Variants in SULT1A2 observed in about 807,000 individuals in gnomAD.
SULT1A2 encodes the protein sulfotransferase 1A2.
A neutral mutation model predicts 36.0 loss-of-function variants in SULT1A2; 33 were observed. That is an observed-to-expected ratio of 0.92 (90% CI 0.69 to 1.22). SULT1A2 has a LOEUF of 1.22. Among genes scored for constraint, SULT1A2 ranks in the 50% most tolerant of loss-of-function variants. The pLI, the probability that SULT1A2 is intolerant of heterozygous loss-of-function variation, is 0.00. For synonymous variants in SULT1A2, 138 were observed against 144.5 expected (o/e 0.96, Z 0.32); for missense variants, 367 against 383.2 (o/e 0.96, Z 0.35).
At chr16:28,593,761 A>G (rs552230213) in intron 4 of SULT1A2, among the ~76,000 whole-genome samples, 193 bp from the exon 5 acceptor site, 1 of 152,304 alleles carries the variant, frequency 6.6e-6, no homozygotes, top group African/African-American at 2.4e-5. Flanking sequence ...CCCTGAGACC[A>G]TCATATTCTA....
intron 4 of SULT1A2, among the ~76,000 whole-genome samples, chr16:28,594,209 T>C (rs1156289285): frequency 6.7e-6 from 1 of 150,234 alleles, no homozygotes; most frequent in Non-Finnish European, 1.5e-5. Context: ...GGAGTGAGAA[T>C]AGCTCACTGC....
chr16:28,596,695 A>AT (rs2047062824), intron 1 of SULT1A2: 1 of 218,868 alleles, frequency 4.6e-6, no homozygotes. Flanking sequence ...TTTTAAAACT[A>AT]TCCAGGCAGG....
In SULT1A2 at chr16:28,595,668, G is replaced by C. The variant is rs759960038; in HGVS notation, c.156C>G (p.Thr52=). The C allele has an allele frequency of 1.9e-6, 3 of 1,614,156 alleles. No homozygotes were observed. Among genetic ancestry groups the C allele is most frequent in the South Asian group, 2.2e-5 (2 of 91,084 alleles). ...LISTYPKSGT[T]WVSQILDMIY... The stretch of plus-strand genomic sequence containing the variant: ...TCATGTCCAGAATCTGGCTCACCCA[G>C]GTGGTGCCTGGAGAGGGAGGGAGAT... Residue 52 remains threonine, a synonymous_variant, in exon 3 of 8, where the codon ACC becomes ACG. Transcript: ENST00000335715.
At chr16:28,594,520 T>G (rs1029783812) in intron 4 of SULT1A2, among the ~76,000 whole-genome samples, 10 of 152,250 alleles carry the variant, frequency 6.6e-5, no homozygotes, top group African/African-American at 2.4e-4. Flanking sequence ...TGGCACAATC[T>G]CGGCTCACTG....
At position 28,592,152 on chromosome 16, in the gene SULT1A2, A is replaced by G; in HGVS notation, c.776-12T>C. On this transcript the variant is annotated splice_polypyrimidine_tract_variant and intron_variant, in intron 7 of 7. Transcript: ENST00000335715. The stretch of plus-strand genomic sequence containing the variant: ...GTCCCCAGCCATGCCTGGGGGAGGA[A>G]GGCAGGGAGCAAAGCTGGAGTCTCA... 3 of 1,612,392 alleles carry G rather than the reference A, an allele frequency of 1.9e-6. No homozygotes were observed. The highest frequency in any genetic ancestry group is 2.2e-5 in the East Asian group (1 of 44,874).
At chr16:28,592,757 C>G (rs755521352) in intron 6 of SULT1A2, among the ~76,000 whole-genome samples, 6 of 152,150 alleles carry the variant, frequency 3.9e-5, no homozygotes, top group Non-Finnish European at 7.4e-5. Flanking sequence ...GGCAAGGGGC[C>G]GTGGTTCAGG....
At chr16:28,596,422 G>T in intron 1 of SULT1A2, 1 of 948,298 alleles carries the variant, frequency 1.1e-6, no homozygotes. Context: ...CAACTCCTAG[G>T]CTGGCCAGGC....
At chr16:28,596,976 C>T (rs1257217779) in intron 1 of SULT1A2, 21 bp downstream of exon 1, 4 of 1,255,162 alleles carry the variant, frequency 3.2e-6, no homozygotes, top group Non-Finnish European at 4.1e-6. Context: ...GCGTCCTGGG[C>T]CATTCCGGTG....
Position 28,595,820 on chromosome 16 carries a change from C to T in SULT1A2, c.111G>A (p.Arg37=), listed in dbSNP as rs138786298. The T allele has an allele frequency of 9.2e-5, 148 of 1,612,076 alleles. No homozygotes were observed. Among genetic ancestry groups the T allele is most frequent in the Non-Finnish European group, 1.2e-4 (144 of 1,179,436 alleles). Residue 37 remains arginine (R), a synonymous_variant, in exon 2 of 8, where the codon CGG becomes CGA. Transcript: ENST00000335715. ...ALGPLQSFQA[R]PDDLLISTYP... The stretch of plus-strand genomic sequence containing the variant: ...AGGTGCTGATGAGCAGGTCATCAGG[C>T]CGGGCCTGGAAGCTCTGCAGGGGCC...
chr16:28,592,213 C>T (rs535816934), intron 7 of SULT1A2, 50 bp downstream of exon 7: 2 of 1,613,532 alleles, frequency 1.2e-6, no homozygotes, highest in Admixed American at 3.3e-5. Context: ...TGGGGAGGCT[C>T]CAGCTGCTGC....
In SULT1A2 at chr16:28,593,269, A is replaced by G. The variant is rs1488501503; in HGVS notation, c.577T>C (p.Tyr193His). Reference sequence around the variant, plus strand: ...GGTCTCACCTCCTTCATGTCTTCATAGAAGAGGTAGAGAACAGGGTGGGTG... The same window carrying G: ...GGTCTCACCTCCTTCATGTCTTCATGGAAGAGGTAGAGAACAGGGTGGGTG... ...SRTHPVLYLF[Y>H]EDMKENPKRE... The change falls in exon 6 of 8, where the codon TAT becomes CAT. Residue 193 changes from tyrosine to histidine, a missense_variant. By Grantham distance (83) the Tyr-to-His change is moderately conservative (BLOSUM62 2). Coordinates refer to ENST00000335715, the MANE Select transcript of SULT1A2 (RefSeq NM_001054.4). 6.2e-6 allele frequency: 10 copies of G among 1,613,822 alleles called. 1 individual carries two copies. Among genetic ancestry groups the G allele is most frequent in the Admixed American group, 3.3e-5 (2 of 60,002 alleles).
intron 6 of SULT1A2, 95 bp from the exon 7 acceptor site, chr16:28,592,538 C>T (rs1275206007): frequency 1.3e-6 from 2 of 1,588,606 alleles, no homozygotes; most frequent in East Asian, 4.5e-5. Flanking sequence ...GAACTGGCCA[C>T]TTCCACTTCA....
Position 28,592,364 on chromosome 16 carries a change from T to G in SULT1A2, c.674A>C (p.Glu225Ala), listed in dbSNP as rs533539289. 4 of 1,614,016 alleles carry G rather than the reference T, an allele frequency of 2.5e-6. No individual in the cohort carries two copies. In the African/African-American group the frequency reaches 4.0e-5, roughly 16 times the overall value. Reference sequence around the variant, plus strand: ...CTTCATCTCCTTGAACGACGTGTGCTCAACCATGAGGTCCACAGTCTCCTC... The same window carrying G: ...CTTCATCTCCTTGAACGACGTGTGCGCAACCATGAGGTCCACAGTCTCCTC... ...LPEETVDLMV[E>A]HTSFKEMKKN... Residue 225 changes from glutamate (E) to alanine (A), a missense_variant, in exon 7 of 8, where the codon GAG (glutamate) becomes GCG (alanine). By Grantham distance (107) the Glu-to-Ala change is moderately radical (BLOSUM62 -1). Transcript: ENST00000335715.
intron 1 of SULT1A2, 131 bp downstream of exon 1, chr16:28,596,866 G>C (rs547139651): frequency 2.4e-5 from 14 of 576,922 alleles, no homozygotes. Flanking sequence ...GATTCAGGCC[G>C]GCCGGGGTTG....
chr16:28,593,482 C>G lies in SULT1A2; in HGVS notation c.459G>C (p.Gly153=). The change falls in exon 5 of 8, where the codon GGG becomes GGC. Residue 153 remains glycine, a synonymous_variant. Transcript: ENST00000335715. ...ACTTCTCCAGGAAGCTTTCCCAGGT[C>G]CCAGGGTGAGGGTACACTTTGGCCA... ...YHMAKVYPHP[G]TWESFLEKFM... is the part of the protein sequence containing the mutation. The G allele has an allele frequency of 5.0e-6, 8 of 1,614,098 alleles. No homozygotes were observed. The highest frequency in any genetic ancestry group is 6.8e-6 in the Non-Finnish European group (8 of 1,180,030).
chr16:28,595,706 G>C (rs1427494413), intron 2 of SULT1A2, 31 bp from the exon 3 acceptor site: 2 of 1,613,414 alleles, frequency 1.2e-6, no homozygotes, highest in African/African-American at 2.7e-5. Context: ...GAGGTGAGCA[G>C]GCTGAGGTGA....
rs771205137 is a variant in SULT1A2, at chr16:28,595,727, G to A, written c.149-52C>T. 1.1e-4 allele frequency: 180 copies of A among 1,612,178 alleles called. 1 individual carries two copies. In the Admixed American group the frequency reaches 2.5e-3, roughly 22 times the overall value. The stretch of plus-strand genomic sequence containing the variant: ...AGCAGGCTGAGGTGAGCATGACCTC[G>A]CTGGCCAAGGTGGGGACTGCCACCT... On this transcript the variant is annotated intron_variant, in intron 2 of 7. Coordinates refer to ENST00000335715, the MANE Select transcript of SULT1A2 (RefSeq NM_001054.4).
intron 4 of SULT1A2, 118 bp downstream of exon 4, chr16:28,595,249 C>A (rs2047044457): frequency 7.3e-7 from 1 of 1,378,308 alleles, no homozygotes; most frequent in East Asian, 2.3e-5. Flanking sequence ...CCACTATGCA[C>A]AGCTAAGTTT....
At chr16:28,595,709 T>G (rs1167859981) in intron 2 of SULT1A2, 34 bp from the exon 3 acceptor site, 1 of 1,613,470 alleles carries the variant, frequency 6.2e-7, no homozygotes. Context: ...GTGAGCAGGC[T>G]GAGGTGAGCA....
Sources: gnomAD v4.1 joint callset for allele counts (sites outside exome capture counted in the v4.1 genomes callset) on GRCh38, gnomAD v4.1.1 for gene constraint, MANE v1.5 for transcripts, NCBI Gene and HGNC (gene_info 2026-07-23, HGNC 2026-07-21) for gene names.